MACROD2: variants seen among roughly 807,000 people sequenced by gnomAD.
The protein encoded by MACROD2 is mono-ADP ribosylhydrolase 2.
In MACROD2, 36 loss-of-function variants were observed where a neutral mutation model predicts 70.4. That is an observed-to-expected ratio of 0.51 (90% CI 0.39 to 0.68). The LOEUF is 0.68. Among genes scored for constraint, MACROD2 ranks in the 30% least tolerant of loss-of-function variants. The pLI is 0.00. For synonymous variants in MACROD2, 172 were observed against 178.8 expected (o/e 0.96, Z 0.30); for missense variants, 496 against 538.4 (o/e 0.92, Z 0.78).
chr20:14,711,304 G>A (rs2071335839), intron 5 of MACROD2, among the ~76,000 whole-genome samples: 1 of 152,186 alleles, frequency 6.6e-6, no homozygotes, highest in South Asian at 2.1e-4. Context: ...TCAAGGAAAA[G>A]AGGAATAAAT....
intron 5 of MACROD2, among the ~76,000 whole-genome samples, chr20:15,081,818 A>G (rs969174108): frequency 6.6e-6 from 1 of 152,224 alleles, no homozygotes; most frequent in African/African-American, 2.4e-5. Flanking sequence ...TAAGTTATAC[A>G]TACTTAGTTT....
At chr20:15,007,961 A>G (rs1444567015) in intron 5 of MACROD2, among the ~76,000 whole-genome samples, 2 of 152,196 alleles carry the variant, frequency 1.3e-5, no homozygotes, top group African/African-American at 4.8e-5. Context: ...TAGGATCTGG[A>G]GGGTTTTGCT....
Position 14,628,449 on chromosome 20 carries a change from G to A in MACROD2, c.302-56394G>A, listed in dbSNP as rs185582285. On this transcript the variant is annotated intron_variant, in intron 4 of 17. Coordinates refer to ENST00000684519, the MANE Select transcript of MACROD2 (RefSeq NM_001351661.2). Reference sequence around the variant, plus strand: ...TGAAGGAATTTGAACTAATAAATGTGGGTGATGGACTGGATGTGGAAATGT... The same window carrying A: ...TGAAGGAATTTGAACTAATAAATGTAGGTGATGGACTGGATGTGGAAATGT... Among the ~76,000 whole-genome samples, 36 of 152,218 alleles carry A rather than the reference G, an allele frequency of 2.4e-4. No individual in the cohort carries two copies. In the Middle Eastern group the frequency reaches 0.014, roughly 58 times the overall value.
chr20:14,074,115 C>A (rs988317921), intron 2 of MACROD2, among the ~76,000 whole-genome samples: 5 of 152,152 alleles, frequency 3.3e-5, no homozygotes, highest in African/African-American at 7.2e-5. Flanking sequence ...CCCATCTTAC[C>A]CCTAGTGTTT....
At chr20:14,625,048 G>C (rs866107337) in intron 4 of MACROD2, among the ~76,000 whole-genome samples, 6 of 152,082 alleles carry the variant, frequency 3.9e-5, no homozygotes, top group African/African-American at 1.4e-4. Flanking sequence ...TGAAAGATTA[G>C]GCTGGGTGTG....
rs184713502 is a variant in MACROD2, at chr20:14,895,756, G to C, written c.418+210797G>C. On this transcript the variant is annotated intron_variant, in intron 5 of 17. Coordinates refer to ENST00000684519, the MANE Select transcript of MACROD2 (RefSeq NM_001351661.2). Reference sequence around the variant, plus strand: ...ATAAAAATATTATCATCCATTAAATGTGGGTAGTGATTAACTTATTATCTC... The same window carrying C: ...ATAAAAATATTATCATCCATTAAATCTGGGTAGTGATTAACTTATTATCTC... 3.7e-3 allele frequency among the ~76,000 whole-genome samples: 569 copies of C among 152,168 alleles called. 6 individuals are homozygous for C. The highest frequency in any genetic ancestry group is 0.013 in the African/African-American group (555 of 41,510).
intron 3 of MACROD2, among the ~76,000 whole-genome samples, chr20:14,322,505 C>T (rs1017802863): frequency 2.0e-5 from 3 of 148,746 alleles, no homozygotes; most frequent in African/African-American, 7.4e-5. Context: ...ATAGCTTAAA[C>T]TACTCAAAAC....
At chr20:15,169,017 G>A (rs1245226871) in intron 5 of MACROD2, among the ~76,000 whole-genome samples, 7 of 152,118 alleles carry the variant, frequency 4.6e-5, no homozygotes, top group Admixed American at 4.6e-4. Flanking sequence ...AGAATAATGG[G>A]AAGTTATTAT....
chr20:14,581,813 C>G (rs1981040501), intron 4 of MACROD2, among the ~76,000 whole-genome samples: 1 of 152,258 alleles, frequency 6.6e-6, no homozygotes, highest in East Asian at 1.9e-4. Context: ...GTTTCTTCCT[C>G]GGAGGTGTGT....
chr20:15,022,821 C>A (rs2075198927), intron 5 of MACROD2: 1 of 152,204 alleles, frequency 6.6e-6, no homozygotes, highest in African/African-American at 2.4e-5. Flanking sequence ...TGCCCAACGC[C>A]TGTCAACTTC....
intron 8 of MACROD2, among the ~76,000 whole-genome samples, chr20:15,838,882 G>T (rs1019513487): frequency 2.0e-5 from 1 of 49,750 alleles, no homozygotes; most frequent in Non-Finnish European, 3.7e-5. Flanking sequence ...TGATTTCCCA[G>T]AAGTCAGTTA....
At chr20:14,008,821 C>T (rs1388147604) in intron 2 of MACROD2, among the ~76,000 whole-genome samples, 1 of 150,550 alleles carries the variant, frequency 6.6e-6, no homozygotes, top group Admixed American at 6.6e-5. Flanking sequence ...TGCACACCTA[C>T]AACCATGTGA....
rs182352791 is a variant in MACROD2 at position 15,538,925 on chromosome 20, A to G, written c.645+39078A>G. 2.6e-3 allele frequency among the ~76,000 whole-genome samples: 399 copies of G among 152,218 alleles called. 1 individual carries two copies. The highest frequency in any genetic ancestry group is 4.5e-3 in the Non-Finnish European group (303 of 68,002). On this transcript the variant is annotated intron_variant, in intron 8 of 17. Transcript: ENST00000684519. The stretch of plus-strand genomic sequence containing the variant: ...TGAGCTGATTATAATTATATGAAAT[A>G]TATTTTAGGGCATGCAATTATAACT...
chr20:15,199,128 T>G (rs570836059), intron 5 of MACROD2, among the ~76,000 whole-genome samples: 1 of 151,964 alleles, frequency 6.6e-6, no homozygotes, highest in Admixed American at 6.6e-5. Flanking sequence ...CCTAGCACTT[T>G]GGGAGGCTGA....
chr20:15,384,352 C>A (rs1003587397), intron 6 of MACROD2, among the ~76,000 whole-genome samples: 11 of 152,124 alleles, frequency 7.2e-5, no homozygotes, highest in Non-Finnish European at 1.6e-4. Flanking sequence ...CCCCCACTCC[C>A]CAGGTTCAAG....
intron 2 of MACROD2, among the ~76,000 whole-genome samples, chr20:14,034,788 G>C (rs1389006949): frequency 6.6e-6 from 1 of 152,066 alleles, no homozygotes; most frequent in Non-Finnish European, 1.5e-5. Context: ...CACATCATTT[G>C]CTCATTTAAA....
At chr20:14,992,223 T>C (rs2074910620) in intron 5 of MACROD2, among the ~76,000 whole-genome samples, 1 of 152,194 alleles carries the variant, frequency 6.6e-6, no homozygotes, top group Admixed American at 6.5e-5. Flanking sequence ...AAATTTCTCA[T>C]CTACAACATT....
At chr20:15,340,007 T>G (rs924237926) in intron 6 of MACROD2, among the ~76,000 whole-genome samples, 1 of 148,356 alleles carries the variant, frequency 6.7e-6, no homozygotes, top group Admixed American at 6.6e-5. Flanking sequence ...GCTCCCATTA[T>G]CTTGATTAGT....
At chr20:15,211,742 C>A (rs1371225520) in intron 5 of MACROD2, among the ~76,000 whole-genome samples, 1 of 152,068 alleles carries the variant, frequency 6.6e-6, no homozygotes, top group Non-Finnish European at 1.5e-5. Flanking sequence ...GAACTGGGAA[C>A]CAAAATAAAC....
Sources: allele counts gnomAD v4.1 joint callset (sites outside exome capture counted in the v4.1 genomes callset), GRCh38; gene constraint gnomAD v4.1.1; transcripts MANE v1.5; gene names NCBI Gene and HGNC (gene_info 2026-07-23, HGNC 2026-07-21).